The following TRIO variants were observed in gnomAD, a reference collection of about 807,000 sequenced individuals.
The protein encoded by TRIO is trio Rho guanine nucleotide exchange factor.
Under a neutral mutation model 351.9 loss-of-function variants are expected in TRIO, and 58 were observed. That is an observed-to-expected ratio of 0.16 (90% CI 0.13 to 0.21). TRIO has a LOEUF of 0.21. Among genes scored for constraint, TRIO ranks in the 10% least tolerant of loss-of-function variants. TRIO has a pLI of 1.00. For synonymous variants in TRIO, 1,758 were observed against 1,595.7 expected (o/e 1.10, Z -2.42); for missense variants, 3,201 against 4,027.8 (o/e 0.79, Z 5.56).
At chr5:14,208,118 A>G (rs1011404965) in intron 1 of TRIO, among the ~76,000 whole-genome samples, 1 of 152,242 alleles carries the variant, frequency 6.6e-6, no homozygotes, top group Non-Finnish European at 1.5e-5. Flanking sequence ...AAGTTTAAAC[A>G]TAGGCTTATC....
chr5:14,302,452 A>G (rs1178125797), intron 7 of TRIO, among the ~76,000 whole-genome samples: 3 of 152,214 alleles, frequency 2.0e-5, no homozygotes, highest in Admixed American at 6.5e-5. Flanking sequence ...ATTAAATGCA[A>G]TACAGGAAGA....
chr5:14,357,171 G>T (rs1289336872), intron 11 of TRIO, among the ~76,000 whole-genome samples: 1 of 152,230 alleles, frequency 6.6e-6, no homozygotes. Flanking sequence ...TTCTGCAAGT[G>T]CAGTTTTGAC....
chr5:14,457,756 G>A (rs535074759), intron 34 of TRIO, among the ~76,000 whole-genome samples: 20 of 152,168 alleles, frequency 1.3e-4, no homozygotes, highest in African/African-American at 3.4e-4. Flanking sequence ...GCTGCCCTGC[G>A]TCCCTGCCTG....
At chr5:14,481,703 A>T in intron 45 of TRIO, 85 bp downstream of exon 45, 1 of 1,401,946 alleles carries the variant, frequency 7.1e-7, no homozygotes, top group African/African-American at 1.4e-5. Context: ...ACATAGAGAA[A>T]GCTGATCCTT....
At chr5:14,406,495 C>T (rs1748729067) in intron 32 of TRIO, 78 bp from the exon 33 acceptor site, 1 of 1,390,108 alleles carries the variant, frequency 7.2e-7, no homozygotes. Context: ...ATATGCACCT[C>T]ATTAAACAAA....
intron 9 of TRIO, among the ~76,000 whole-genome samples, chr5:14,317,899 G>A (rs1242083024): frequency 6.6e-6 from 1 of 152,094 alleles, no homozygotes; most frequent in Non-Finnish European, 1.5e-5. Context: ...GGCCAAGGGG[G>A]GTGGATCACC....
chr5:14,487,843 AGC>A lies in TRIO; in HGVS notation c.7217_7218del (p.Ala2406GlyfsTer34). 4.6e-6 allele frequency: 7 copies of A among 1,523,132 alleles called. No homozygotes were observed. Among genetic ancestry groups the A allele is most frequent in the Non-Finnish European group, 6.2e-6 (7 of 1,134,824 alleles). 94.4% of individuals were successfully genotyped at this position (1,523,132 alleles called of 1,614,324 possible). ...GADAEGSERE[A>X]EPIPKMKVLE... ...CGGACGCCGAGGGGTCCGAGCGAGA[AGC>A]GGAGCCGATCCCCAAGATGAAGGTG... On this transcript the variant is annotated frameshift_variant, in exon 48 of 57. Coordinates refer to ENST00000344204, the MANE Select transcript of TRIO (RefSeq NM_007118.4). LOFTEE classifies it high-confidence loss of function.
At chr5:14,156,041 G>A (rs1322432391) in intron 1 of TRIO, among the ~76,000 whole-genome samples, 2 of 152,046 alleles carry the variant, frequency 1.3e-5, no homozygotes, top group Non-Finnish European at 2.9e-5. Flanking sequence ...ATTTATATAA[G>A]TATGGCCTCA....
chr5:14,155,549 A>G (rs1428411693), intron 1 of TRIO, among the ~76,000 whole-genome samples: 1 of 152,146 alleles, frequency 6.6e-6, no homozygotes, highest in African/African-American at 2.4e-5. Context: ...GTTTCCTTGA[A>G]TTTGGAACAT....
In TRIO at chr5:14,509,387, T is replaced by TGC. The variant is rs1450476296; in HGVS notation, c.*966_*967insCG. On this transcript the variant is annotated 3_prime_UTR_variant, in exon 57 of 57. Transcript: ENST00000344204. ...GGTGAGCTTTATGGTTTTGTGTGTG[T>TGC]GTTGGGGTTGGCGGGTGGGTGGGTA... The TGC allele has an allele frequency of 8.8e-6, 4 of 453,284 alleles. 1 individual carries two copies. Among genetic ancestry groups the TGC allele is most frequent in the Middle Eastern group, 7.9e-4 (2 of 2,526 alleles). The allele number at this position is 453,284 out of a possible 1,614,324, so 28.1% of individuals were successfully genotyped here. A position where few individuals can be genotyped will look rare whatever the true frequency, so the allele number is the denominator to read the frequency against.
intron 1 of TRIO, among the ~76,000 whole-genome samples, chr5:14,207,523 T>TACGC (rs1791611588): frequency 1.9e-5 from 1 of 53,144 alleles, no homozygotes; most frequent in Non-Finnish European, 4.1e-5. Flanking sequence ...ACTGTCTCTC[T>TACGC]ACACACACAC....
intron 23 of TRIO, 88 bp from the exon 24 acceptor site, chr5:14,388,525 C>A: frequency 7.9e-7 from 1 of 1,273,626 alleles, no homozygotes; most frequent in Non-Finnish European, 1.1e-6. Context: ...ACTTTTAGAC[C>A]CACTCTGTTA....
chr5:14,417,112 T>C (rs1749713483), intron 33 of TRIO, among the ~76,000 whole-genome samples: 1 of 152,252 alleles, frequency 6.6e-6, no homozygotes. Context: ...TGAGTGTGGT[T>C]CTACAAGGAG....
At chr5:14,409,509 T>A (rs1024453212) in intron 33 of TRIO, among the ~76,000 whole-genome samples, 2 of 152,098 alleles carry the variant, frequency 1.3e-5, no homozygotes, top group African/African-American at 4.8e-5. Context: ...TGATGTGTTG[T>A]CCCTAAACTT....
At chr5:14,177,811 T>C (rs531209665) in intron 1 of TRIO, among the ~76,000 whole-genome samples, 7 of 152,260 alleles carry the variant, frequency 4.6e-5, no homozygotes, top group Admixed American at 4.6e-4. Context: ...GAGGGGCTGC[T>C]TTGCATCTTC....
At chr5:14,336,801 T>C (rs1741457994) in intron 11 of TRIO, 74 bp downstream of exon 11, 2 of 1,521,482 alleles carry the variant, frequency 1.3e-6, no homozygotes, top group Non-Finnish European at 1.8e-6. Flanking sequence ...AACCTAAATT[T>C]AGTCATAATG....
chr5:14,335,022 C>CGTGTGTGT lies in TRIO; in HGVS notation c.1855-1501_1855-1494dup, dbSNP rs144645388. On this transcript the variant is annotated intron_variant, in intron 10 of 56. Transcript: ENST00000344204. ...TGAAAGCTGCTTTTTAGATCTGTCTCGTGTGTGTGTGTGTGTGTGTACACA... is the reference window on the plus strand; with the variant it reads ...TGAAAGCTGCTTTTTAGATCTGTCTCGTGTGTGTGTGTGTGTGTGTGTGTGTGTACACA... Among the ~76,000 whole-genome samples the CGTGTGTGT allele has an allele frequency of 5.7e-4, 86 of 150,590 alleles. 1 individual carries two copies. Among genetic ancestry groups the CGTGTGTGT allele is most frequent in the African/African-American group, 1.9e-3 (80 of 41,152 alleles).
intron 34 of TRIO, among the ~76,000 whole-genome samples, chr5:14,455,810 T>C (rs1753248366): frequency 6.6e-6 from 1 of 152,262 alleles, no homozygotes; most frequent in Admixed American, 6.5e-5. Flanking sequence ...CCCACCCGAC[T>C]CAGGAGCCCA....
At chr5:14,296,626 A>G (rs1241620433) in intron 6 of TRIO, among the ~76,000 whole-genome samples, 1 of 152,162 alleles carries the variant, frequency 6.6e-6, no homozygotes, top group East Asian at 1.9e-4. Context: ...TTTCACACAA[A>G]TAGCCTTTGG....
Sources: allele counts gnomAD v4.1 joint callset (sites outside exome capture counted in the v4.1 genomes callset), GRCh38; gene constraint gnomAD v4.1.1; transcripts MANE v1.5; gene names NCBI Gene and HGNC (gene_info 2026-07-23, HGNC 2026-07-21).